Variants in EVC2 observed in about 807,000 individuals in gnomAD.
The protein encoded by EVC2 is EvC ciliary complex subunit 2.
EVC2 carries 148 observed loss-of-function variants against 149.3 expected under a neutral mutation model. The observed-to-expected ratio is 0.99, with a 90% CI of 0.87 to 1.14. EVC2 has a LOEUF of 1.14. Ranked by LOEUF, EVC2 falls within the 50% of genes most tolerant of loss-of-function variation. EVC2 has a pLI of 0.00. For missense variants in EVC2, 1,854 were observed against 1,627.3 expected, an observed-to-expected ratio of 1.14 and a Z score of -2.40; for synonymous variants, 776 against 649.9, an observed-to-expected ratio of 1.19 and a Z score of -2.95.
intron 21 of EVC2, among the ~76,000 whole-genome samples, chr4:5,548,669 C>G (rs1376817454): frequency 6.6e-6 from 1 of 152,048 alleles, no homozygotes; most frequent in African/African-American, 2.4e-5. Flanking sequence ...TTAGATACCC[C>G]TAAGCCAGAA....
At chr4:5,706,437 G>GATAC (rs1371530984) in intron 1 of EVC2, among the ~76,000 whole-genome samples, 1,502 of 41,022 alleles carry the variant, frequency 0.037, 167 homozygotes, top group Middle Eastern at 0.093. Context: ...TACATAGATA[G>GATAC]ATAGATAGAT....
At chr4:5,541,506 A>T (rs1187093866), downstream of EVC2, among the ~76,000 whole-genome samples, 3 of 152,202 alleles carry the variant, frequency 2.0e-5, no homozygotes, top group East Asian at 5.8e-4. Flanking sequence ...GAAAGGTTGA[A>T]ACCAAGCTTC....
At chr4:5,557,696 C>A (rs1214191669), downstream of EVC2, among the ~76,000 whole-genome samples, 1 of 152,068 alleles carries the variant, frequency 6.6e-6, no homozygotes, top group Non-Finnish European at 1.5e-5. Flanking sequence ...ACCCCCAAAA[C>A]TAATTGGTGA....
At position 5,692,246 on chromosome 4, in the gene EVC2, T is replaced by A. The variant is rs535072599; in HGVS notation, c.451-913A>T. Reference sequence around the variant, plus strand: ...CCTTGCTATGTTTCCCAGGCTGGCCTTGGACTCCTGGCCTCAAGTGATCCT... The same window carrying A: ...CCTTGCTATGTTTCCCAGGCTGGCCATGGACTCCTGGCCTCAAGTGATCCT... On this transcript the variant is annotated intron_variant, in intron 3 of 21. Transcript: ENST00000344408. Among the ~76,000 whole-genome samples, 300 of 152,312 alleles carry A rather than the reference T, an allele frequency of 2.0e-3. 1 individual carries two copies. The highest frequency in any genetic ancestry group is 6.8e-3 in the African/African-American group (283 of 41,580).
At chr4:5,643,454 T>C (rs1434661222) in intron 9 of EVC2, among the ~76,000 whole-genome samples, 1 of 152,210 alleles carries the variant, frequency 6.6e-6, no homozygotes, top group Non-Finnish European at 1.5e-5. Context: ...AACCGCATCT[T>C]TGGGTCTTCA....
At chr4:5,546,728 G>C (rs1178784406) in intron 21 of EVC2, among the ~76,000 whole-genome samples, 1 of 145,860 alleles carries the variant, frequency 6.9e-6, no homozygotes, top group Non-Finnish European at 1.5e-5. Flanking sequence ...TAATAAAATT[G>C]AAAAAAAAAA....
chr4:5,566,581 G>T (rs1174191381), intron 20 of EVC2, among the ~76,000 whole-genome samples: 1 of 152,190 alleles, frequency 6.6e-6, no homozygotes, highest in Non-Finnish European at 1.5e-5. Context: ...GATGCTAGCT[G>T]CTGGGGACAC....
At chr4:5,665,420 G>C (rs1409164119) in intron 8 of EVC2, 95 bp downstream of exon 8, 1 of 1,590,330 alleles carries the variant, frequency 6.3e-7, no homozygotes, top group African/African-American at 1.3e-5. Context: ...CCTCAGCAAT[G>C]CTGATGGGGA....
chr4:5,635,251 G>T (rs1716819957), intron 10 of EVC2, among the ~76,000 whole-genome samples: 1 of 151,754 alleles, frequency 6.6e-6, no homozygotes, highest in Non-Finnish European at 1.5e-5. Flanking sequence ...TGGCCAGGCT[G>T]GTCTCAAACA....
chr4:5,569,587 T>C lies in EVC2; in HGVS notation c.3361-947A>G, dbSNP rs1462808833. Among the ~76,000 whole-genome samples the C allele has an allele frequency of 6.6e-6, 1 of 151,960 alleles. No individual in the cohort carries two copies. The highest frequency in any genetic ancestry group is 2.4e-5 in the African/African-American group (1 of 41,362). On this transcript the variant is annotated intron_variant, in intron 19 of 21. Coordinates refer to ENST00000344408, the MANE Select transcript of EVC2 (RefSeq NM_147127.5). This position sits in a 1 kb window ranked among gnomAD's most constrained non-coding sequence, Gnocchi z 4.8. The stretch of plus-strand genomic sequence containing the variant: ...AGGAAAAGAGGCCCCAGGACAGAGC[T>C]ATTGGGTGCCCAAAGGCCATGAGAA...
intron 12 of EVC2, among the ~76,000 whole-genome samples, chr4:5,626,331 G>GTT (rs34539817): frequency 1.0e-3 from 126 of 124,642 alleles, no homozygotes; most frequent in African/African-American, 2.4e-3. Flanking sequence ...CGTTCTTCTT[G>GTT]TTTTTTTTTT....
chr4:5,665,176 G>A (rs751344707), intron 8 of EVC2, among the ~76,000 whole-genome samples: 4 of 152,072 alleles, frequency 2.6e-5, no homozygotes, highest in Non-Finnish European at 5.9e-5. Flanking sequence ...CAGGCATGTT[G>A]GTGTGTAGCT....
rs1443797214 is a variant in EVC2 at position 5,708,202 on chromosome 4, C to A, written c.228+84G>T. On this transcript the variant is annotated intron_variant, in intron 1 of 21. Coordinates refer to ENST00000344408, the MANE Select transcript of EVC2 (RefSeq NM_147127.5). ...TCCCTTCCTCATTCTTTGCGAAATA[C>A]TAAGGGTCCTCCCTGCCACCGCCGG... 7 of 1,231,188 alleles carry A rather than the reference C, an allele frequency of 5.7e-6. No individual in the cohort carries two copies. In the Admixed American group the frequency reaches 9.9e-5, roughly 17 times the overall value. 76.3% of individuals were successfully genotyped at this position (1,231,188 alleles called of 1,614,324 possible).
intron 12 of EVC2, among the ~76,000 whole-genome samples, chr4:5,626,322 GTTC>G (rs150727821): frequency 0.051 from 7,413 of 144,524 alleles, 621 homozygotes; most frequent in African/African-American, 0.19. Flanking sequence ...CAGATGAAAC[GTTC>G]TTCTTGTTTT....
intron 16 of EVC2, among the ~76,000 whole-genome samples, chr4:5,589,661 C>T (rs1292518088): frequency 6.9e-6 from 1 of 145,196 alleles, no homozygotes; most frequent in African/African-American, 2.8e-5. Flanking sequence ...GGGTGAATTC[C>T]TTTATTTTTT....
At chr4:5,665,324 G>GA (rs1331167987) in intron 8 of EVC2, among the ~76,000 whole-genome samples, 191 bp downstream of exon 8, 2 of 150,960 alleles carry the variant, frequency 1.3e-5, no homozygotes, top group Admixed American at 6.6e-5. Flanking sequence ...TGGCTCTTAA[G>GA]AAAAAAAAAG....
chr4:5,672,787 T>A (rs1226154134), intron 7 of EVC2, among the ~76,000 whole-genome samples: 1 of 152,208 alleles, frequency 6.6e-6, no homozygotes, highest in African/African-American at 2.4e-5. Flanking sequence ...CATGTGTATA[T>A]CCATATAATG....
At chr4:5,592,980 G>C (rs1209252013) in intron 16 of EVC2, among the ~76,000 whole-genome samples, 1 of 152,152 alleles carries the variant, frequency 6.6e-6, no homozygotes, top group Non-Finnish European at 1.5e-5. Context: ...CTGTTCTCCT[G>C]AGAGTGAGTT....
Position 5,576,226 on chromosome 4 carries a change from G to T in EVC2, c.3272+14C>A. On this transcript the variant is annotated intron_variant, in intron 18 of 21. Transcript: ENST00000344408. The surrounding 1 kb of genome is among the most constrained non-coding windows in gnomAD (Gnocchi z 4.5). ...GGACTAATATCTTTGAGTGCTACGG[G>T]GCACACGGCATACCACTGCTGATGT... is the stretch of plus-strand genomic sequence containing the variant. 1 of 1,614,134 alleles carries T rather than the reference G, an allele frequency of 6.2e-7. No individual in the cohort carries two copies.
Sources: allele counts gnomAD v4.1 joint callset (sites outside exome capture counted in the v4.1 genomes callset), GRCh38; gene constraint gnomAD v4.1.1; non-coding constraint Gnocchi (gnomAD v3.1); transcripts MANE v1.5; gene names NCBI Gene and HGNC (gene_info 2026-07-23, HGNC 2026-07-21).